TRIP12: variants seen among roughly 807,000 people sequenced by gnomAD.
TRIP12 encodes the protein E3 ubiquitin-protein ligase TRIP12.
A neutral mutation model predicts 244.2 loss-of-function variants in TRIP12; 25 were observed. That is an observed-to-expected ratio of 0.10 (90% CI 0.07 to 0.14). The LOEUF is 0.14. Among genes scored for constraint, TRIP12 ranks in the 10% least tolerant of loss-of-function variants. The pLI is 1.00. For missense variants in TRIP12, 1,677 were observed against 2,486.4 expected, an observed-to-expected ratio of 0.67 and a Z score of 6.92; for synonymous variants, 905 against 873.1, an observed-to-expected ratio of 1.04 and a Z score of -0.64.
intron 6 of TRIP12, among the ~76,000 whole-genome samples, chr2:229,832,038 C>G (rs920351324): frequency 6.6e-6 from 1 of 151,838 alleles, no homozygotes; most frequent in Non-Finnish European, 1.5e-5. Flanking sequence ...ATAACATATG[C>G]GAGTTTAAAG....
chr2:229,824,030 T>TA (rs1180969159), intron 8 of TRIP12, among the ~76,000 whole-genome samples: 1 of 152,176 alleles, frequency 6.6e-6, no homozygotes, highest in Non-Finnish European at 1.5e-5. Context: ...ACAGATATTC[T>TA]AAGTAACGTC....
At chr2:229,884,820 AATTAGCCAGGCAG>A (rs1487003449) in intron 1 of TRIP12, among the ~76,000 whole-genome samples, 1 of 152,080 alleles carries the variant, frequency 6.6e-6, no homozygotes, top group African/African-American at 2.4e-5. Context: ...GAAACTTAAA[AATTAGCCAGGCAG>A]GACGGTGCAC....
chr2:229,827,625 A>C (rs1224208845), intron 8 of TRIP12, among the ~76,000 whole-genome samples: 1 of 152,118 alleles, frequency 6.6e-6, no homozygotes, highest in East Asian at 1.9e-4. Flanking sequence ...GGGTGATGAC[A>C]GGCATGAAGC....
Position 229,879,955 on chromosome 2 carries a change from C to T in TRIP12, c.98+27G>A, listed in dbSNP as rs2064482891. Reference sequence around the variant, plus strand: ...ATATTTTTTCTTTTATTCCCAATTCCTTTTCAAATTACCATGAAATACATA... The same window carrying T: ...ATATTTTTTCTTTTATTCCCAATTCTTTTTCAAATTACCATGAAATACATA... On this transcript the variant is annotated intron_variant, in intron 2 of 41. Transcript: ENST00000675903. The T allele has an allele frequency of 2.5e-6, 4 of 1,611,614 alleles. No individual in the cohort carries two copies. The South Asian group carries it at 3.3e-5, about 13-fold the overall frequency.
chr2:229,806,917 A>G (rs2154275017), intron 17 of TRIP12, among the ~76,000 whole-genome samples: 1 of 152,374 alleles, frequency 6.6e-6, no homozygotes, highest in South Asian at 2.1e-4. Flanking sequence ...AAATTCTTAC[A>G]GGTGTCTCAT....
intron 4 of TRIP12, among the ~76,000 whole-genome samples, chr2:229,854,029 G>A (rs1452997034): frequency 3.3e-5 from 5 of 152,006 alleles, no homozygotes; most frequent in Non-Finnish European, 7.4e-5. Context: ...AATTTTATTT[G>A]TATATATATT....
intron 2 of TRIP12, among the ~76,000 whole-genome samples, chr2:229,867,105 T>TTG (rs2061642803): frequency 6.6e-6 from 1 of 150,910 alleles, no homozygotes; most frequent in South Asian, 2.1e-4. Context: ...GGGTTTTTTT[T>TTG]TTTGTTTTTT....
chr2:229,819,127 G>A (rs1295859825), intron 8 of TRIP12, among the ~76,000 whole-genome samples: 2 of 149,002 alleles, frequency 1.3e-5, no homozygotes, highest in African/African-American at 2.5e-5. Flanking sequence ...CTGCACAGAT[G>A]ATGGCTATTA....
Position 229,853,976 on chromosome 2 carries a change from G to A in TRIP12, c.1027+4796C>T, listed in dbSNP as rs137970019. Among the ~76,000 whole-genome samples, 36 of 152,196 alleles carry A rather than the reference G, an allele frequency of 2.4e-4. No individual in the cohort carries two copies. In the East Asian group the frequency reaches 6.8e-3, roughly 29 times the overall value. On this transcript the variant is annotated intron_variant, in intron 4 of 41. Coordinates refer to ENST00000675903, the MANE Select transcript of TRIP12 (RefSeq NM_001348323.3). ...CATTTTTGTTTTCATTTATGTTGAT[G>A]TATCCATTTATATAGGTTACATGTT...
chr2:229,868,157 A>T (rs1293712519), intron 2 of TRIP12, among the ~76,000 whole-genome samples: 2 of 152,220 alleles, frequency 1.3e-5, no homozygotes, highest in African/African-American at 4.8e-5. Context: ...ATTGCTGAAA[A>T]GAGCAAGTTA....
At chr2:229,867,903 C>T (rs1416153517) in intron 2 of TRIP12, among the ~76,000 whole-genome samples, 1 of 152,144 alleles carries the variant, frequency 6.6e-6, no homozygotes, top group African/African-American at 2.4e-5. Context: ...TAGGCCCCCC[C>T]AAAAAATTTA....
intron 1 of TRIP12, among the ~76,000 whole-genome samples, chr2:229,910,480 T>C (rs1214140291): frequency 6.6e-6 from 1 of 152,184 alleles, no homozygotes; most frequent in African/African-American, 2.4e-5. Flanking sequence ...CCTTAAATGA[T>C]TCAAGAAATA....
At chr2:229,878,621 G>A (rs111791601) in intron 2 of TRIP12, among the ~76,000 whole-genome samples, 1,754 of 149,366 alleles carry the variant, frequency 0.012, 15 homozygotes, top group Non-Finnish European at 0.016. Context: ...TCTGTCTGTC[G>A]CCCAGGCTGG....
intron 24 of TRIP12, 121 bp downstream of exon 24, chr2:229,797,569 G>T: frequency 8.1e-7 from 1 of 1,228,908 alleles, no homozygotes; most frequent in Non-Finnish European, 1.1e-6. Flanking sequence ...GTGTATATAA[G>T]GTAAAAGTCG....
intron 20 of TRIP12, 115 bp downstream of exon 20, chr2:229,803,456 G>A: frequency 1.4e-6 from 1 of 692,614 alleles, no homozygotes; most frequent in Non-Finnish European, 2.4e-6. Flanking sequence ...AGCTAACAGA[G>A]CTTTAAATGT....
chr2:229,792,292 T>C (rs765000335), intron 27 of TRIP12, 66 bp from the exon 28 acceptor site: 104 of 1,345,630 alleles, frequency 7.7e-5, no homozygotes, highest in Non-Finnish European at 1.1e-4. Flanking sequence ...AAATCCTGTA[T>C]ACACACTGGT....
Position 229,787,602 on chromosome 2 carries a change from C to T in TRIP12, c.4898G>A (p.Arg1633Gln). ...AAGTAATCTTTGCATTGCTCGGTCC[C>T]GATCAAATGCAGTTACATAAAAAAG... ...QMLFYVTAFD[R>Q]DRAMQRLLDT... Residue 1633 changes from arginine to glutamine, a missense_variant, in exon 33 of 42, where the codon CGG becomes CAG. Around this residue, in one of 11 missense-constraint regions of TRIP12, gnomAD observed 4 missense variants for 32.1 expected, o/e 0.12. Coordinates refer to ENST00000675903, the MANE Select transcript of TRIP12 (RefSeq NM_001348323.3). 3 of 1,611,294 alleles carry T rather than the reference C, an allele frequency of 1.9e-6. No homozygotes were observed. Among genetic ancestry groups the T allele is most frequent in the African/African-American group, 1.3e-5 (1 of 74,640 alleles).
chr2:229,792,611 CAA>C (rs1379444426), intron 27 of TRIP12, among the ~76,000 whole-genome samples: 55 of 152,152 alleles, frequency 3.6e-4, no homozygotes, highest in Admixed American at 3.6e-3. Context: ...CGGCAACAAT[CAA>C]AGTTTCAGAT....
intron 1 of TRIP12, 51 bp downstream of exon 1, chr2:229,921,829 G>A (rs1256940583): frequency 2.4e-5 from 1 of 41,602 alleles, no homozygotes; most frequent in Non-Finnish European, 4.9e-5. Flanking sequence ...CCCTCAGCTG[G>A]CCCCCTCCCC....
Sources: gnomAD v4.1 joint callset for allele counts (sites outside exome capture counted in the v4.1 genomes callset) on GRCh38, gnomAD v4.1.1 for gene constraint, gnomAD v4.1.1 regional missense constraint, MANE v1.5 for transcripts, NCBI Gene and HGNC (gene_info 2026-07-23, HGNC 2026-07-21) for gene names.